Variants in PROCR observed in about 807,000 individuals in gnomAD.
PROCR encodes protein C receptor, also known as endothelial protein C receptor.
Under a neutral mutation model 24.2 loss-of-function variants are expected in PROCR, and 22 were observed. The ratio of observed to expected loss-of-function variants is 0.91; its 90% CI spans 0.65 to 1.30. PROCR has a LOEUF of 1.30. Ranked by LOEUF, PROCR falls within the 50% of genes most tolerant of loss-of-function variation. PROCR has a pLI of 0.00. For missense variants in PROCR, 288 were observed against 307.7 expected, an observed-to-expected ratio of 0.94 and a Z score of 0.48; for synonymous variants, 137 against 139.2, an observed-to-expected ratio of 0.98 and a Z score of 0.11.
At chr20:35,209,967 C>T (rs1472992333) in intron 1 of PROCR, among the ~76,000 whole-genome samples, 1 of 152,186 alleles carries the variant, frequency 6.6e-6, no homozygotes, top group African/African-American at 2.4e-5. Context: ...CGGCTCAAGC[C>T]TGTAATCCAA....
chr20:35,174,970 CG>C lies in PROCR; in HGVS notation c.322+22del. 1 of 199,396 alleles carries C rather than the reference CG, an allele frequency of 5.0e-6. No individual in the cohort carries two copies. Among genetic ancestry groups the C allele is most frequent in the Non-Finnish European group, 7.5e-6 (1 of 133,556 alleles). The allele number at this position is 199,396 out of a possible 1,614,324, so 12.4% of individuals were successfully genotyped here. On this transcript the variant is annotated intron_variant, in intron 2 of 3. Coordinates refer to ENST00000216968, the MANE Select transcript of PROCR (RefSeq NM_006404.5). ...CCTTGGCCTGTGAGTAGGCGCGCAG[CG>C]GGGGCGGGGTCTGGGCGGGGCTAGT...
chr20:35,197,827 A>C (rs533889223), intron 1 of PROCR, among the ~76,000 whole-genome samples: 1 of 151,782 alleles, frequency 6.6e-6, no homozygotes, highest in South Asian at 2.1e-4. Context: ...GTCTCAAAAA[A>C]AAAAAAAAAG....
chr20:35,195,595 T>G (rs1305356082), intron 1 of PROCR, among the ~76,000 whole-genome samples: 1 of 151,826 alleles, frequency 6.6e-6, no homozygotes, highest in African/African-American at 2.4e-5. Context: ...CCAAGGTGGG[T>G]GGATCACCTG....
At chr20:35,203,702 G>GA (rs1326785574) in intron 1 of PROCR, among the ~76,000 whole-genome samples, 2 of 152,136 alleles carry the variant, frequency 1.3e-5, no homozygotes, top group South Asian at 2.1e-4. Context: ...ATGGGTCAGA[G>GA]AAAAAATCTT....
intron 1 of PROCR, among the ~76,000 whole-genome samples, chr20:35,193,934 C>T (rs2086194715): frequency 6.6e-6 from 1 of 152,130 alleles, no homozygotes; most frequent in Non-Finnish European, 1.5e-5. Flanking sequence ...GACGCCCCAA[C>T]ATTTAAAGGC....
chr20:35,211,040 A>G (rs931687119), intron 1 of PROCR, among the ~76,000 whole-genome samples: 4 of 152,162 alleles, frequency 2.6e-5, no homozygotes, highest in African/African-American at 9.7e-5. Flanking sequence ...CAGAACTACA[A>G]TTATGAAGAA....
intron 1 of PROCR, among the ~76,000 whole-genome samples, chr20:35,197,153 T>A (rs185176653): frequency 1.5e-3 from 235 of 152,346 alleles, no homozygotes; most frequent in African/African-American, 5.4e-3. Flanking sequence ...AGACAAGGTC[T>A]CACTATGTTG....
At chr20:35,213,068 C>T (rs1275127633) in intron 1 of PROCR, among the ~76,000 whole-genome samples, 1 of 152,198 alleles carries the variant, frequency 6.6e-6, no homozygotes, top group Admixed American at 6.5e-5. Context: ...CAGTGGCTCA[C>T]GCCCATAATC....
downstream of PROCR, among the ~76,000 whole-genome samples, chr20:35,178,397 C>CT (rs146530945): frequency 0.54 from 23,238 of 43,152 alleles, 5,305 homozygotes; most frequent in Non-Finnish European, 0.56. Context: ...GAGTGAGATT[C>CT]TTTTTTTTTT....
intron 1 of PROCR, among the ~76,000 whole-genome samples, chr20:35,173,316 G>C (rs1188969162): frequency 6.6e-6 from 1 of 151,912 alleles, no homozygotes; most frequent in Non-Finnish European, 1.5e-5. Flanking sequence ...ATGGTGGTCT[G>C]GGATCACTGA....
At position 35,190,495 on chromosome 20, in the gene PROCR, AT is replaced by A. The variant is rs1480407026; in HGVS notation, c.94+14051del. Among the ~76,000 whole-genome samples, 10 of 152,208 alleles carry A rather than the reference AT, an allele frequency of 6.6e-5. 1 individual carries two copies. The highest frequency in any genetic ancestry group is 2.2e-4 in the African/African-American group (9 of 41,542). On this transcript the variant is annotated intron_variant, in intron 1 of 1. Transcript: ENST00000634509. ...CCCACCCAAACAAAAAACAAAACCCATTATTTTATTAAGCCTTTCATTTTTC... is the reference window on the plus strand; with the variant it reads ...CCCACCCAAACAAAAAACAAAACCCATATTTTATTAAGCCTTTCATTTTTC...
chr20:35,208,817 C>A (rs970443518), intron 1 of PROCR, among the ~76,000 whole-genome samples: 1 of 151,972 alleles, frequency 6.6e-6, no homozygotes, highest in Non-Finnish European at 1.5e-5. Context: ...TCTAAAAATA[C>A]TAAAATTAGC....
At chr20:35,179,282 C>A (rs2086057281), downstream of PROCR, among the ~76,000 whole-genome samples, 1 of 150,416 alleles carries the variant, frequency 6.6e-6, no homozygotes, top group Non-Finnish European at 1.5e-5. Flanking sequence ...TGGCTCACAC[C>A]TGTAATCCCA....
At chr20:35,189,797 C>G (rs932437560) in intron 1 of PROCR, among the ~76,000 whole-genome samples, 1 of 152,102 alleles carries the variant, frequency 6.6e-6, no homozygotes, top group African/African-American at 2.4e-5. Flanking sequence ...GGCTGGTTCC[C>G]CCAATACCCT....
chr20:35,176,702 C>A lies in PROCR; in HGVS notation c.606C>A (p.Ser202Arg), dbSNP rs537318101. ...KHISAENTKG[S>R]QTSRSYTSLV... ...AACTCTTTGCATGTTCTGCAGGGAGCCAAACAAGCCGCTCCTACACTTCGC... is the reference window on the plus strand; with the variant it reads ...AACTCTTTGCATGTTCTGCAGGGAGACAAACAAGCCGCTCCTACACTTCGC... The change falls in exon 4 of 4, where the codon AGC (serine) becomes AGA (arginine). Residue 202 changes from serine (S) to arginine (R), a missense_variant. Transcript: ENST00000216968. 11 of 1,608,430 alleles carry A rather than the reference C, an allele frequency of 6.8e-6. No individual in the cohort carries two copies. The South Asian group carries it at 1.1e-4, about 16-fold the overall frequency.
rs534703656 is a variant in PROCR, at chr20:35,175,054, T to C, written c.322+101T>C. Reference sequence around the variant, plus strand: ...TGGCGGATGGAGGCGGGCTGGGACTTGCAGGGACCCGGCAGCCACTGGAGC... The same window carrying C: ...TGGCGGATGGAGGCGGGCTGGGACTCGCAGGGACCCGGCAGCCACTGGAGC... On this transcript the variant is annotated intron_variant, in intron 2 of 3. Transcript: ENST00000216968. 1,636 of 1,304,290 alleles carry C rather than the reference T, an allele frequency of 1.3e-3. 20 individuals carry two copies. The African/African-American group carries it at 0.024, about 19-fold the overall frequency. 80.8% of individuals were successfully genotyped at this position (1,304,290 alleles called of 1,614,324 possible). A position where few individuals can be genotyped will look rare whatever the true frequency, so the allele number is the denominator to read the frequency against.
chr20:35,172,366 T>G (rs1398843539), intron 1 of PROCR, 142 bp downstream of exon 1: 5 of 1,068,706 alleles, frequency 4.7e-6, no homozygotes, highest in Non-Finnish European at 7.1e-6. Context: ...GCAGGCAGAG[T>G]CTTGGGGACT....
At chr20:35,215,424 C>G (rs947927803) in intron 1 of PROCR, among the ~76,000 whole-genome samples, 6 of 152,126 alleles carry the variant, frequency 3.9e-5, no homozygotes, top group African/African-American at 7.2e-5. Flanking sequence ...GACCTCACTC[C>G]CCTCTGAAAT....
At chr20:35,187,001 C>T (rs1291358139) in intron 1 of PROCR, among the ~76,000 whole-genome samples, 1 of 152,012 alleles carries the variant, frequency 6.6e-6, no homozygotes, top group Non-Finnish European at 1.5e-5. Context: ...AGTCAGTGGC[C>T]TGCAAAACAT....
Sources: allele counts gnomAD v4.1 joint callset (sites outside exome capture counted in the v4.1 genomes callset), GRCh38; gene constraint gnomAD v4.1.1; transcripts MANE v1.5; gene names NCBI Gene and HGNC (gene_info 2026-07-23, HGNC 2026-07-21).